PCDHGB7: variants seen among roughly 807,000 people sequenced by gnomAD.
The protein encoded by PCDHGB7 is protocadherin gamma-B7.
Under a neutral mutation model 61.4 loss-of-function variants are expected in PCDHGB7, and 37 were observed. The observed-to-expected ratio is 0.60, with a 90% CI of 0.46 to 0.79. The LOEUF is 0.79. PCDHGB7 is among the 30% of genes least tolerant of loss of function. PCDHGB7 has a pLI of 0.00. For synonymous variants in PCDHGB7, 464 were observed against 503.5 expected (o/e 0.92, Z 1.05); for missense variants, 1,166 against 1,202.5 (o/e 0.97, Z 0.45).
chr5:141,431,376 CT>C lies in PCDHGB7; in HGVS notation c.2415+11103del. The C allele has an allele frequency of 1.2e-6, 2 of 1,613,436 alleles. No individual in the cohort carries two copies. The highest frequency in any genetic ancestry group is 1.7e-6 in the Non-Finnish European group (2 of 1,179,562). On this transcript the variant is annotated intron_variant, in intron 1 of 3. Transcript: ENST00000398594. This position sits in a 1 kb window ranked among gnomAD's most constrained non-coding sequence, Gnocchi z 4.8. ...CGCGCCCTGGACCGCGAAGAAAAGG[CT>C]GCTCACCACCTGGTCCTTACGGCCT...
chr5:141,443,588 A>T (rs1479393074), intron 1 of PCDHGB7, among the ~76,000 whole-genome samples: 3 of 152,240 alleles, frequency 2.0e-5, no homozygotes, highest in Non-Finnish European at 4.4e-5. Context: ...CTAAAACAGA[A>T]TGTGGTATAT....
chr5:141,433,460 T>C (rs892333304), intron 1 of PCDHGB7, among the ~76,000 whole-genome samples: 1 of 152,064 alleles, frequency 6.6e-6, no homozygotes, highest in Non-Finnish European at 1.5e-5. Context: ...GATCTGAAAC[T>C]TGGGCTCAGG....
chr5:141,443,172 C>T (rs1454734622), intron 1 of PCDHGB7, among the ~76,000 whole-genome samples: 1 of 152,176 alleles, frequency 6.6e-6, no homozygotes, highest in Non-Finnish European at 1.5e-5. Flanking sequence ...CTACCCATGT[C>T]CACTGCATCA....
intron 1 of PCDHGB7, chr5:141,427,356 G>A (rs1295421809): frequency 8.7e-6 from 4 of 457,618 alleles, no homozygotes; most frequent in Non-Finnish European, 1.8e-5. Context: ...AACTGAGGAC[G>A]CAGAACCCTG....
chr5:141,420,027 C>T lies in PCDHGB7; in HGVS notation c.2168C>T (p.Ala723Val). ...CTGCGACAGTCTTTCAGCCCTACTG[C>T]AGGAGACTGCTTTGAGTCAGTTCTC... ...LRLRQSFSPT[A>V]GDCFESVLCS... The change falls in exon 1 of 4, where the codon GCA becomes GTA. Residue 723 changes from alanine to valine, a missense_variant. Transcript: ENST00000398594. The T allele has an allele frequency of 1.9e-6, 3 of 1,614,082 alleles. No homozygotes were observed. Among genetic ancestry groups the T allele is most frequent in the Non-Finnish European group, 2.5e-6 (3 of 1,179,908 alleles).
rs775654786 is a variant in PCDHGB7 at position 141,491,718 on chromosome 5, G to A, written c.2416-3089G>A. Reference sequence around the variant, plus strand: ...GGAGCCAGGTGAGGGGCTCGGCGCCGCCCCGGGCGACCCCTGGGGGCGGCA... The same window carrying A: ...GGAGCCAGGTGAGGGGCTCGGCGCCACCCCGGGCGACCCCTGGGGGCGGCA... On this transcript the variant is annotated intron_variant, in intron 1 of 3. Coordinates refer to ENST00000398594, the MANE Select transcript of PCDHGB7 (RefSeq NM_018927.4). This position sits in a 1 kb window ranked among gnomAD's most constrained non-coding sequence, Gnocchi z 6.9. 1 of 1,607,600 alleles carries A rather than the reference G, an allele frequency of 6.2e-7. No homozygotes were observed. The highest frequency in any genetic ancestry group is 2.2e-5 in the East Asian group (1 of 44,690).
chr5:141,486,869 C>G lies in PCDHGB7; in HGVS notation c.2416-7938C>G. On this transcript the variant is annotated intron_variant, in intron 1 of 3. Transcript: ENST00000398594. This position sits in a 1 kb window ranked among gnomAD's most constrained non-coding sequence, Gnocchi z 5.0. ...CCTCAATGACAATGCTCCAGCTGTG[C>G]TCCGTCCTCGGGCCCGGCCTGGTTC... The G allele has an allele frequency of 6.2e-7, 1 of 1,614,246 alleles. No homozygotes were observed. The highest frequency in any genetic ancestry group is 8.5e-7 in the Non-Finnish European group (1 of 1,180,042).
Position 141,489,902 on chromosome 5 carries a change from C to T in PCDHGB7, c.2416-4905C>T. The T allele has an allele frequency of 6.2e-7, 1 of 1,614,218 alleles. No individual in the cohort carries two copies. The highest frequency in any genetic ancestry group is 8.5e-7 in the Non-Finnish European group (1 of 1,180,032). On this transcript the variant is annotated intron_variant, in intron 1 of 3. Transcript: ENST00000398594. This position sits in a 1 kb window ranked among gnomAD's most constrained non-coding sequence, Gnocchi z 4.5. Reference sequence around the variant, plus strand: ...ACTGCTGTGGATGGGGGGACCCCAGCCCGCTCAGGGACCACCCTTATCTCT... The same window carrying T: ...ACTGCTGTGGATGGGGGGACCCCAGTCCGCTCAGGGACCACCCTTATCTCT...
At chr5:141,494,326 G>C (rs2154591458) in intron 1 of PCDHGB7, among the ~76,000 whole-genome samples, 1 of 152,312 alleles carries the variant, frequency 6.6e-6, no homozygotes, top group Middle Eastern at 3.4e-3. Context: ...GGCACCAAAA[G>C]GGTTACCAAG....
chr5:141,435,066 G>A (rs936110088), intron 1 of PCDHGB7, among the ~76,000 whole-genome samples: 3 of 151,920 alleles, frequency 2.0e-5, no homozygotes, highest in African/African-American at 7.3e-5. Context: ...GCAGTTTTGT[G>A]TAGACCGTCT....
chr5:141,439,012 A>G (rs968054607), intron 1 of PCDHGB7, among the ~76,000 whole-genome samples: 4 of 151,916 alleles, frequency 2.6e-5, no homozygotes, highest in South Asian at 2.1e-4. Context: ...TTTGTTTGTC[A>G]AATTTTGAAA....
At chr5:141,422,942 G>A (rs199976232) in intron 1 of PCDHGB7, 5 of 1,614,096 alleles carry the variant, frequency 3.1e-6, no homozygotes, top group Non-Finnish European at 4.2e-6. Flanking sequence ...CCCACAGACG[G>A]CTCCACTGGC....
chr5:141,490,736 A>G lies in PCDHGB7; in HGVS notation c.2416-4071A>G, dbSNP rs747567176. The G allele has an allele frequency of 5.0e-6, 8 of 1,614,084 alleles. No individual in the cohort carries two copies. Among genetic ancestry groups the G allele is most frequent in the Non-Finnish European group, 6.8e-6 (8 of 1,180,034 alleles). On this transcript the variant is annotated intron_variant, in intron 1 of 3. Transcript: ENST00000398594. This position sits in a 1 kb window ranked among gnomAD's most constrained non-coding sequence, Gnocchi z 5.4. The stretch of plus-strand genomic sequence containing the variant: ...TACTCCATTGTAGGAAATCAGGTTC[A>G]GGGAGCCCCAGCCTCCTCCTTTGTG...
chr5:141,485,118 G>C lies in PCDHGB7; in HGVS notation c.2416-9689G>C, dbSNP rs547390669. 1 of 1,331,536 alleles carries C rather than the reference G, an allele frequency of 7.5e-7. No homozygotes were observed. Among genetic ancestry groups the C allele is most frequent in the East Asian group, 2.3e-5 (1 of 43,534 alleles). The allele number at this position is 1,331,536 out of a possible 1,614,324, so 82.5% of individuals were successfully genotyped here. On this transcript the variant is annotated intron_variant, in intron 1 of 3. Coordinates refer to ENST00000398594, the MANE Select transcript of PCDHGB7 (RefSeq NM_018927.4). The surrounding 1 kb of genome is among the most constrained non-coding windows in gnomAD (Gnocchi z 5.7). ...TCTCCAGCTGCTGTGGCTGTTTGGG[G>C]CGGGTCGGCTTCATCCGCGTCTCAG...
At chr5:141,496,759 C>T (rs1287940646) in intron 2 of PCDHGB7, among the ~76,000 whole-genome samples, 2 of 152,038 alleles carry the variant, frequency 1.3e-5, no homozygotes, top group South Asian at 4.2e-4. Context: ...AAATATTTAT[C>T]GAGCATCTAC....
chr5:141,495,028 G>C, intron 2 of PCDHGB7, 163 bp downstream of exon 2: 3 of 966,196 alleles, frequency 3.1e-6, no homozygotes, highest in Non-Finnish European at 3.7e-6. Flanking sequence ...CACAGACCCC[G>C]GAAGGAAGAG....
intron 1 of PCDHGB7, among the ~76,000 whole-genome samples, chr5:141,448,629 C>T (rs1188418541): frequency 6.6e-6 from 1 of 152,060 alleles, no homozygotes; most frequent in Non-Finnish European, 1.5e-5. Flanking sequence ...CCTTTCTTCA[C>T]ATTATATCCT....
intron 1 of PCDHGB7, among the ~76,000 whole-genome samples, chr5:141,484,760 A>G (rs1472178052): frequency 2.0e-5 from 3 of 151,880 alleles, no homozygotes; most frequent in South Asian, 2.1e-4. Flanking sequence ...GTATATATAT[A>G]TATATGTTGT....
intron 1 of PCDHGB7, chr5:141,421,220 A>T (rs1178268746): frequency 6.3e-7 from 1 of 1,575,620 alleles, no homozygotes; most frequent in East Asian, 2.3e-5. Context: ...ATCGGCTTAG[A>T]GCCTGCCATG....
Sources: gnomAD v4.1 joint callset for allele counts (sites outside exome capture counted in the v4.1 genomes callset) on GRCh38, gnomAD v4.1.1 for gene constraint, Gnocchi (gnomAD v3.1) non-coding constraint, MANE v1.5 for transcripts, NCBI Gene and HGNC (gene_info 2026-07-23, HGNC 2026-07-21) for gene names.